The following SCARB2 variants were observed in gnomAD, a reference collection of about 807,000 sequenced individuals.
SCARB2 encodes the protein scavenger receptor class B member 2, also known as lysosome membrane protein 2.
Under a neutral mutation model 58.6 loss-of-function variants are expected in SCARB2, and 29 were observed. The ratio of observed to expected loss-of-function variants is 0.49; its 90% confidence interval spans 0.37 to 0.67. The LOEUF (loss-of-function observed/expected upper bound fraction) is 0.67. SCARB2 is among the 30% of genes least tolerant of loss of function. The pLI is 0.00. For synonymous variants in SCARB2, 195 were observed against 210.1 expected (o/e 0.93, Z 0.62); for missense variants, 488 against 578.5 (o/e 0.84, Z 1.60).
At chr4:76,202,308 G>A (rs1732843410) in intron 1 of SCARB2, among the ~76,000 whole-genome samples, 1 of 152,122 alleles carries the variant, frequency 6.6e-6, no homozygotes, top group South Asian at 2.1e-4. Flanking sequence ...TGTTGCCCAG[G>A]CTGGAGTGCA....
intron 2 of SCARB2, among the ~76,000 whole-genome samples, chr4:76,191,036 T>C (rs569164585): frequency 9.8e-5 from 15 of 152,356 alleles, no homozygotes; most frequent in Admixed American, 3.9e-4. Flanking sequence ...TTTGGATAGT[T>C]TGCAGAGTCT....
chr4:76,184,856 C>T (rs1398842557), intron 2 of SCARB2: 3 of 321,618 alleles, frequency 9.3e-6, no homozygotes, highest in African/African-American at 2.2e-5. Context: ...CAGTGGCAGA[C>T]ACATGATGTG....
At chr4:76,170,945 A>AATAT (rs35595759) in intron 7 of SCARB2, among the ~76,000 whole-genome samples, 31 of 136,628 alleles carry the variant, frequency 2.3e-4, no homozygotes, top group Admixed American at 5.5e-4. Context: ...TGTAAATTTA[A>AATAT]ATATATATAT....
At chr4:76,217,658 A>G, upstream of SCARB2, 1 of 652,572 alleles carries the variant, frequency 1.5e-6, no homozygotes. Flanking sequence ...ACCATGAGCC[A>G]AATAAACCTC....
chr4:76,215,188 G>T (rs1013002635), upstream of SCARB2, among the ~76,000 whole-genome samples: 1 of 152,178 alleles, frequency 6.6e-6, no homozygotes, highest in Non-Finnish European at 1.5e-5. Context: ...CGGAGCCATT[G>T]GTCAGTTATG....
chr4:76,229,744 G>A (rs1162851688), intron 1 of SCARB2, among the ~76,000 whole-genome samples: 1 of 152,176 alleles, frequency 6.6e-6, no homozygotes, highest in Non-Finnish European at 1.5e-5. Flanking sequence ...AGGTATCAGG[G>A]GAGTGAAGTA....
upstream of SCARB2, among the ~76,000 whole-genome samples, chr4:76,217,421 AG>A (rs1313628458): frequency 1.3e-5 from 2 of 152,118 alleles, no homozygotes; most frequent in Middle Eastern, 3.2e-3. Flanking sequence ...TTGGGTCCTG[AG>A]GAGAGATTGT....
intron 1 of SCARB2, among the ~76,000 whole-genome samples, chr4:76,219,373 C>T (rs936145073): frequency 3.9e-5 from 6 of 152,196 alleles, no homozygotes; most frequent in African/African-American, 1.4e-4. Flanking sequence ...GTATTCTAGT[C>T]TGTTCTCACT....
At chr4:76,203,003 T>A (rs959183626) in intron 1 of SCARB2, among the ~76,000 whole-genome samples, 16 of 152,308 alleles carry the variant, frequency 1.1e-4, no homozygotes, top group African/African-American at 3.8e-4. Context: ...TTTGTTTTCT[T>A]TTTTTGAGAC....
intron 2 of SCARB2, chr4:76,191,731 C>T (rs28465660): frequency 0.13 from 19,370 of 150,660 alleles, 1,699 homozygotes; most frequent in East Asian, 0.33. Flanking sequence ...CTCTTTCTCT[C>T]TCTCTCCCCT....
At chr4:76,214,099 C>A, upstream of SCARB2, 1 of 374,778 alleles carries the variant, frequency 2.7e-6, no homozygotes, top group South Asian at 1.9e-5. Flanking sequence ...CTGGTTCACA[C>A]ACTCATTTAC....
At chr4:76,227,500 A>C (rs1279553555) in intron 1 of SCARB2, among the ~76,000 whole-genome samples, 1 of 152,218 alleles carries the variant, frequency 6.6e-6, no homozygotes, top group Non-Finnish European at 1.5e-5. Flanking sequence ...CTGATGACAA[A>C]AATGAATATT....
At chr4:76,224,772 GT>G (rs1365338174) in intron 1 of SCARB2, among the ~76,000 whole-genome samples, 1 of 151,968 alleles carries the variant, frequency 6.6e-6, no homozygotes, top group Non-Finnish European at 1.5e-5. Flanking sequence ...AATTTCAGAA[GT>G]TTTTGGGGAA....
intron 2 of SCARB2, among the ~76,000 whole-genome samples, chr4:76,182,954 C>A (rs187832637): frequency 1.3e-5 from 2 of 152,124 alleles, no homozygotes; most frequent in African/African-American, 4.8e-5. Flanking sequence ...CACACAATCG[C>A]GAAGTCAAAA....
chr4:76,208,449 G>A (rs536696690), intron 1 of SCARB2, among the ~76,000 whole-genome samples: 2 of 152,318 alleles, frequency 1.3e-5, no homozygotes, highest in South Asian at 4.1e-4. Flanking sequence ...CAATCACATT[G>A]CTCCGTTATA....
intron 1 of SCARB2, among the ~76,000 whole-genome samples, chr4:76,198,603 C>A (rs1031851695): frequency 1.3e-5 from 2 of 151,818 alleles, no homozygotes; most frequent in South Asian, 2.1e-4. Context: ...ACAGCTGGGG[C>A]TTCTCCTCTG....
rs1054848346 is a variant in SCARB2, at chr4:76,206,510, G to C, written c.117+6917C>G. ...ACAAACATGTGACCACTGGCCTACA[G>C]AGTGAGGCAAAATGTGAGACTAAAC... On this transcript the variant is annotated intron_variant, in intron 1 of 11. Transcript: ENST00000264896. Among the ~76,000 whole-genome samples the C allele has an allele frequency of 3.3e-5, 5 of 152,026 alleles. No individual in the cohort carries two copies. In the East Asian group the frequency reaches 9.6e-4, roughly 29 times the overall value.
exon 1 of SCARB2, chr4:76,234,372 ATTC>A (rs531522883): frequency 3.0e-4 from 45 of 152,500 alleles, no homozygotes; most frequent in Non-Finnish European, 6.0e-4. Context: ...TAAAGATGGC[ATTC>A]TTTGTCCCAT....
intron 1 of SCARB2, among the ~76,000 whole-genome samples, chr4:76,222,120 G>A (rs758644593): frequency 4.6e-5 from 7 of 152,182 alleles, no homozygotes; most frequent in Non-Finnish European, 7.3e-5. Context: ...TCCTTTATCT[G>A]AAGAAAAATC....
Sources: allele counts gnomAD v4.1 joint callset (sites outside exome capture counted in the v4.1 genomes callset), GRCh38; gene constraint gnomAD v4.1.1; transcripts MANE v1.5; gene names NCBI Gene and HGNC (gene_info 2026-07-23, HGNC 2026-07-21).